The following SOX5 variants were observed in gnomAD, a reference collection of about 807,000 sequenced individuals.
SOX5 encodes the protein transcription factor SOX-5.
A neutral mutation model predicts 92.0 loss-of-function variants in SOX5; 9 were observed. The observed-to-expected ratio is 0.10, with a 90% confidence interval of 0.06 to 0.17. SOX5 has a LOEUF of 0.17. Among genes scored for constraint, SOX5 ranks in the 10% least tolerant of loss-of-function variants. SOX5 has a pLI of 1.00. For missense variants in SOX5, 642 were observed against 944.5 expected (o/e 0.68, Z 4.20); for synonymous variants, 344 against 336.3 (o/e 1.02, Z -0.25).
chr12:23,844,831 C>G (rs555807500), intron 3 of SOX5, among the ~76,000 whole-genome samples: 10 of 152,260 alleles, frequency 6.6e-5, no homozygotes, highest in African/African-American at 2.4e-4. Context: ...ATTTTAAACA[C>G]ATAAGGTTGT....
intron 6 of SOX5, among the ~76,000 whole-genome samples, chr12:23,679,540 G>A (rs562901360): frequency 1.2e-3 from 188 of 152,210 alleles, no homozygotes; most frequent in Non-Finnish European, 2.0e-3. Context: ...GCAATAAAAT[G>A]CTAATAAAAA....
chr12:24,482,813 G>A (rs964436594), intron 1 of SOX5, among the ~76,000 whole-genome samples: 7 of 152,272 alleles, frequency 4.6e-5, no homozygotes, highest in African/African-American at 1.7e-4. Context: ...CACTTGAAAC[G>A]TAAATAAGAG....
intron 4 of SOX5, among the ~76,000 whole-genome samples, chr12:24,049,268 A>G (rs951110918): frequency 2.6e-5 from 4 of 152,200 alleles, no homozygotes; most frequent in Non-Finnish European, 4.4e-5. Flanking sequence ...TTGAAAAGAT[A>G]TCACTCCTTG....
At chr12:23,998,212 A>G (rs1229148820) in intron 4 of SOX5, among the ~76,000 whole-genome samples, 1 of 152,208 alleles carries the variant, frequency 6.6e-6, no homozygotes, top group Non-Finnish European at 1.5e-5. Context: ...TGTGATGGCA[A>G]TGATTGATCA....
chr12:24,462,442 G>GT (rs1943748067), intron 1 of SOX5, among the ~76,000 whole-genome samples: 1 of 152,136 alleles, frequency 6.6e-6, no homozygotes, highest in African/African-American at 2.4e-5. Context: ...TTATTGTCAT[G>GT]TTATTATATT....
intron 3 of SOX5, among the ~76,000 whole-genome samples, chr12:24,214,570 TATTA>T (rs1715098470): frequency 6.6e-6 from 1 of 152,158 alleles, no homozygotes. Flanking sequence ...TTTATGCATT[TATTA>T]ATTATATGTG....
intron 4 of SOX5, among the ~76,000 whole-genome samples, chr12:24,200,472 T>A (rs937945974): frequency 6.6e-6 from 1 of 152,110 alleles, no homozygotes; most frequent in Non-Finnish European, 1.5e-5. Flanking sequence ...GGAACTCTGA[T>A]TGTAATAGTA....
chr12:23,615,088 C>G (rs1035762188), intron 8 of SOX5, among the ~76,000 whole-genome samples: 1 of 152,182 alleles, frequency 6.6e-6, no homozygotes, highest in African/African-American at 2.4e-5. Flanking sequence ...AGGCGTGAGC[C>G]ACCGTACCCG....
At chr12:23,935,623 G>A (rs375169155) in intron 1 of SOX5, among the ~76,000 whole-genome samples, 13 of 151,052 alleles carry the variant, frequency 8.6e-5, no homozygotes, top group Non-Finnish European at 1.2e-4. Flanking sequence ...AACCCTTTAC[G>A]TAAGTGTATA....
chr12:23,973,328 T>C (rs1465274701), intron 4 of SOX5, among the ~76,000 whole-genome samples: 1 of 151,820 alleles, frequency 6.6e-6, no homozygotes, highest in Non-Finnish European at 1.5e-5. Context: ...GCCCGGCTAA[T>C]TTTTTGTATT....
At chr12:24,181,840 A>G (rs796596145) in intron 4 of SOX5, among the ~76,000 whole-genome samples, 83 of 152,332 alleles carry the variant, frequency 5.4e-4, no homozygotes, top group African/African-American at 2.0e-3. Flanking sequence ...AGCAAAATCA[A>G]TAACTATGAT....
chr12:23,670,653 A>G (rs1338678579), intron 6 of SOX5, among the ~76,000 whole-genome samples: 1 of 151,752 alleles, frequency 6.6e-6, no homozygotes, highest in Non-Finnish European at 1.5e-5. Flanking sequence ...GGGAAAGGGG[A>G]AGGTAAGGAA....
At position 23,600,511 on chromosome 12, in the gene SOX5, C is replaced by CG. The variant is rs1306699676; in HGVS notation, c.1164+3875dup. On this transcript the variant is annotated intron_variant, in intron 9 of 14. Coordinates refer to ENST00000451604, the MANE Select transcript of SOX5 (RefSeq NM_006940.6). ...CAGTCTTTGGCAAGATAGACCATGGCGGGGGGGGTGCATATATATATATAT... is the reference window on the plus strand; with the variant it reads ...CAGTCTTTGGCAAGATAGACCATGGCGGGGGGGGGTGCATATATATATATAT... Among the ~76,000 whole-genome samples, 178 of 34,398 alleles carry CG rather than the reference C, an allele frequency of 5.2e-3. 1 individual carries two copies. The highest frequency in any genetic ancestry group is 0.016 in the African/African-American group (130 of 8,356). The allele number at this position is 34,398 out of a possible 152,430, so 22.6% of individuals were successfully genotyped here.
chr12:23,767,215 AACACACACACACAC>A (rs35485466), intron 3 of SOX5, among the ~76,000 whole-genome samples: 6 of 137,806 alleles, frequency 4.4e-5, no homozygotes, highest in East Asian at 4.1e-4. Context: ...AAAAAACAGA[AACACACACACACAC>A]ACACACACAC....
chr12:24,225,331 A>G (rs1961646072), intron 3 of SOX5, among the ~76,000 whole-genome samples: 1 of 152,192 alleles, frequency 6.6e-6, no homozygotes, highest in Admixed American at 6.5e-5. Context: ...TCAATGATAC[A>G]CATAGTCACA....
chr12:23,965,062 G>A (rs898182687), intron 4 of SOX5, among the ~76,000 whole-genome samples: 3 of 152,190 alleles, frequency 2.0e-5, no homozygotes, highest in African/African-American at 4.8e-5. Flanking sequence ...GCCCCCAGGC[G>A]AGCACAGCAC....
intron 4 of SOX5, among the ~76,000 whole-genome samples, chr12:24,201,636 C>G (rs1957528572): frequency 6.6e-6 from 1 of 152,218 alleles, no homozygotes. Context: ...CAGAACTCTG[C>G]TAACTCTCAA....
intron 8 of SOX5, among the ~76,000 whole-genome samples, chr12:23,610,415 C>T (rs905869125): frequency 3.3e-5 from 5 of 152,078 alleles, no homozygotes; most frequent in African/African-American, 1.2e-4. Flanking sequence ...AGATTTATTG[C>T]CCCAAACCAT....
At chr12:23,946,304 C>T (rs967703430) in intron 1 of SOX5, among the ~76,000 whole-genome samples, 2 of 152,074 alleles carry the variant, frequency 1.3e-5, no homozygotes, top group African/African-American at 4.8e-5. Context: ...ATTATCAGAA[C>T]TGTCTTCTTA....
Sources: gnomAD v4.1 joint callset for allele counts (sites outside exome capture counted in the v4.1 genomes callset) on GRCh38, gnomAD v4.1.1 for gene constraint, MANE v1.5 for transcripts, NCBI Gene and HGNC (gene_info 2026-07-23, HGNC 2026-07-21) for gene names.